GPBP1L1: variants seen among roughly 807,000 people sequenced by gnomAD.
GPBP1L1 encodes vasculin-like protein 1.
In GPBP1L1, 23 loss-of-function variants were observed where a neutral mutation model predicts 52.5. That is an observed-to-expected ratio of 0.44 (90% CI 0.32 to 0.62). GPBP1L1 has a LOEUF of 0.62. Among genes scored for constraint, GPBP1L1 ranks in the 20% least tolerant of loss-of-function variants. The pLI is 0.06. For synonymous variants in GPBP1L1, 243 were observed against 203.1 expected (o/e 1.20, Z -1.67); for missense variants, 596 against 579.3 (o/e 1.03, Z -0.30).
intron 8 of GPBP1L1, among the ~76,000 whole-genome samples, chr1:45,637,519 T>G (rs1002316282): frequency 6.6e-6 from 1 of 152,196 alleles, no homozygotes; most frequent in Admixed American, 6.6e-5. Context: ...TCTTCAAGCT[T>G]CAAGAGCAGC....
chr1:45,642,400 G>A (rs778293206), intron 7 of GPBP1L1, 27 bp downstream of exon 7: 18 of 1,521,478 alleles, frequency 1.2e-5, no homozygotes, highest in Non-Finnish European at 1.6e-5. Flanking sequence ...TTAAAGTTGT[G>A]CCTTTAAAAT....
At chr1:45,641,107 C>G (rs1010486180) in intron 7 of GPBP1L1, among the ~76,000 whole-genome samples, 1 of 152,088 alleles carries the variant, frequency 6.6e-6, no homozygotes, top group Non-Finnish European at 1.5e-5. Flanking sequence ...GGATTGGAGT[C>G]TGCCATGAAA....
At chr1:45,686,920 A>C (rs1645297157), upstream of GPBP1L1, 1 of 152,438 alleles carries the variant, frequency 6.6e-6, no homozygotes, top group African/African-American at 2.4e-5. Flanking sequence ...GTGGGTGGGT[A>C]TGCATGTGTG....
intron 6 of GPBP1L1, chr1:45,646,295 A>G (rs1362015462): frequency 5.4e-6 from 1 of 183,670 alleles, no homozygotes; most frequent in East Asian, 1.8e-4. Flanking sequence ...AGCTTGACAA[A>G]GCACAAAATC....
chr1:45,681,709 G>A (rs759585354), intron 2 of GPBP1L1, among the ~76,000 whole-genome samples: 18 of 152,168 alleles, frequency 1.2e-4, no homozygotes, highest in Non-Finnish European at 2.4e-4. Context: ...AACAACCCTA[G>A]GAGAAGGTAC....
Position 45,659,020 on chromosome 1 carries a change from A to G in GPBP1L1, c.60+8T>C, listed in dbSNP as rs1347755780. Reference sequence around the variant, plus strand: ...TTGAGAAGTTACTACAGGAATGGAGAACAGTACCTTAGCTGACTGTGGTGT... The same window carrying G: ...TTGAGAAGTTACTACAGGAATGGAGGACAGTACCTTAGCTGACTGTGGTGT... On this transcript the variant is annotated splice_region_variant and intron_variant, in intron 4 of 12. Coordinates refer to ENST00000355105, the MANE Select transcript of GPBP1L1 (RefSeq NM_021639.5). 1 of 1,574,054 alleles carries G rather than the reference A, an allele frequency of 6.4e-7. No individual in the cohort carries two copies. Among genetic ancestry groups the G allele is most frequent in the Non-Finnish European group, 8.7e-7 (1 of 1,143,378 alleles).
intron 10 of GPBP1L1, among the ~76,000 whole-genome samples, chr1:45,633,273 GGTGA>G (rs1394815216): frequency 6.6e-6 from 1 of 152,150 alleles, no homozygotes; most frequent in Non-Finnish European, 1.5e-5. Flanking sequence ...TACTTCAATA[GGTGA>G]GTGATTACTA....
chr1:45,658,484 G>C (rs1185695764), intron 4 of GPBP1L1, among the ~76,000 whole-genome samples: 1 of 152,006 alleles, frequency 6.6e-6, no homozygotes, highest in African/African-American at 2.4e-5. Flanking sequence ...CTTAAAAAAA[G>C]AAAAAAAGAA....
chr1:45,639,219 T>C (rs1445006302), intron 8 of GPBP1L1, among the ~76,000 whole-genome samples: 1 of 152,106 alleles, frequency 6.6e-6, no homozygotes, highest in Non-Finnish European at 1.5e-5. Context: ...TTTGGAATGA[T>C]CATTCTGGCA....
intron 11 of GPBP1L1, 87 bp from the exon 12 acceptor site, chr1:45,629,765 T>C (rs1644506277): frequency 1.1e-6 from 1 of 872,878 alleles, no homozygotes; most frequent in Admixed American, 1.9e-5. Context: ...AAAAGTTTTC[T>C]GCCCAGGGGC....
chr1:45,657,772 G>T (rs749620313), intron 4 of GPBP1L1, among the ~76,000 whole-genome samples: 1 of 152,172 alleles, frequency 6.6e-6, no homozygotes, highest in Non-Finnish European at 1.5e-5. Flanking sequence ...AGGATTGCTT[G>T]AGCCCGGGAG....
At chr1:45,652,387 G>C (rs2148465422) in intron 6 of GPBP1L1, among the ~76,000 whole-genome samples, 1 of 152,216 alleles carries the variant, frequency 6.6e-6, no homozygotes, top group South Asian at 2.1e-4. Context: ...AATGTCACAG[G>C]ACTGATAATG....
At chr1:45,647,163 A>T (rs1453590310) in intron 6 of GPBP1L1, among the ~76,000 whole-genome samples, 12 of 107,550 alleles carry the variant, frequency 1.1e-4, no homozygotes, top group East Asian at 2.9e-4. Context: ...CCAACTTCTT[A>T]GGATTTTTTT....
rs1046965558 is a variant in GPBP1L1, at chr1:45,686,466, C to G, written c.-1197G>C. 6.6e-6 allele frequency: 1 copy of G among 152,394 alleles called. No individual in the cohort carries two copies. Among genetic ancestry groups the G allele is most frequent in the Non-Finnish European group, 1.5e-5 (1 of 68,174 alleles). 9.4% of individuals were successfully genotyped at this position (152,394 alleles called of 1,614,324 possible). On this transcript the variant is annotated 5_prime_UTR_variant, in exon 1 of 13. Transcript: ENST00000355105. Reference sequence around the variant, plus strand: ...TAGACGCTGCGTCTGAGGACGCGTCCCCAGCTTGTCGACCCGGCAGAGGCG... The same window carrying G: ...TAGACGCTGCGTCTGAGGACGCGTCGCCAGCTTGTCGACCCGGCAGAGGCG...
chr1:45,630,383 T>C (rs935373369), intron 11 of GPBP1L1, 99 bp downstream of exon 11: 7 of 1,392,862 alleles, frequency 5.0e-6, no homozygotes, highest in Non-Finnish European at 6.9e-6. Flanking sequence ...GCCACTTCTC[T>C]CTGCATGTGG....
At chr1:45,644,557 A>ATT (rs5773888) in intron 6 of GPBP1L1, among the ~76,000 whole-genome samples, 1 of 149,808 alleles carries the variant, frequency 6.7e-6, no homozygotes, top group Non-Finnish European at 1.5e-5. Context: ...TGATCACTGC[A>ATT]TTTTTTTTTT....
intron 2 of GPBP1L1, among the ~76,000 whole-genome samples, chr1:45,677,066 T>G (rs1322238327): frequency 6.6e-6 from 1 of 151,206 alleles, no homozygotes; most frequent in Non-Finnish European, 1.5e-5. Flanking sequence ...GCCAGTGCAG[T>G]GGCTCACGCC....
intron 6 of GPBP1L1, chr1:45,651,679 G>A (rs1402914522): frequency 1.6e-6 from 1 of 633,360 alleles, no homozygotes; most frequent in Non-Finnish European, 2.8e-6. Context: ...AGCAGGTGAG[G>A]TCTCTTTTGG....
intron 9 of GPBP1L1, 104 bp from the exon 10 acceptor site, chr1:45,633,751 CTCTG>C: frequency 1.7e-6 from 2 of 1,208,288 alleles, no homozygotes; most frequent in Non-Finnish European, 2.3e-6. Flanking sequence ...CTATTTATCA[CTCTG>C]TCTTAAACCA....
Sources: gnomAD v4.1 joint callset for allele counts (sites outside exome capture counted in the v4.1 genomes callset) on GRCh38, gnomAD v4.1.1 for gene constraint, MANE v1.5 for transcripts, NCBI Gene and HGNC (gene_info 2026-07-23, HGNC 2026-07-21) for gene names.